RANBP2: variants seen among roughly 807,000 people sequenced by gnomAD.
RANBP2 encodes E3 SUMO-protein ligase RanBP2.
A neutral mutation model predicts 303.6 loss-of-function variants in RANBP2; 57 were observed. The ratio of observed to expected loss-of-function variants is 0.19; its 90% CI spans 0.15 to 0.23. The LOEUF is 0.23. RANBP2 is among the 10% of genes least tolerant of loss of function. The pLI, the probability that RANBP2 is intolerant of heterozygous loss-of-function variation, is 1.00. For missense variants in RANBP2, 3,138 were observed against 3,780.8 expected, an observed-to-expected ratio of 0.83 and a Z score of 4.46; for synonymous variants, 1,167 against 1,301.5, an observed-to-expected ratio of 0.90 and a Z score of 2.23.
chr2:108,791,014 G>A, the RANBP2 span, among the ~76,000 whole-genome samples: 18 of 151,982 alleles, frequency 1.2e-4, no homozygotes, highest in Admixed American at 4.6e-4. Context: ...CTCCCACTTC[G>A]GCCTCCCAAA....
At chr2:108,812,221 C>T in the RANBP2 span, among the ~76,000 whole-genome samples, 3 of 152,010 alleles carry the variant, frequency 2.0e-5, no homozygotes, top group African/African-American at 7.2e-5. Flanking sequence ...TATATATATA[C>T]ATATCAGTAT....
chr2:108,730,186 C>T (rs826529), intron 2 of RANBP2, among the ~76,000 whole-genome samples: 4 of 123,880 alleles, frequency 3.2e-5, no homozygotes, highest in Admixed American at 7.5e-5. Context: ...TTTCTCTGAT[C>T]GTAATACTGT....
At chr2:108,960,312 G>A in the RANBP2 span, among the ~76,000 whole-genome samples, 934 of 152,284 alleles carry the variant, frequency 6.1e-3, 12 homozygotes, top group African/African-American at 0.022. Context: ...GAGATTGTCT[G>A]AACAAAAAAA....
the RANBP2 span, among the ~76,000 whole-genome samples, chr2:108,901,369 G>T: frequency 6.6e-6 from 1 of 152,184 alleles, no homozygotes; most frequent in East Asian, 1.9e-4. Context: ...TACATACAAA[G>T]GAGGAAAACT....
chr2:108,800,676 T>C, the RANBP2 span, among the ~76,000 whole-genome samples: 1 of 119,654 alleles, frequency 8.4e-6, no homozygotes, highest in Non-Finnish European at 1.7e-5. Context: ...GTGCACATTG[T>C]GCAGGTTAGT....
At chr2:108,720,211 G>C in intron 1 of RANBP2, 4 of 939,190 alleles carry the variant, frequency 4.3e-6, no homozygotes, top group Non-Finnish European at 5.0e-6. Flanking sequence ...ATGGCCCGAC[G>C]GCGCAAATGA....
chr2:109,388,276 A>G, the RANBP2 span, among the ~76,000 whole-genome samples: 3 of 152,024 alleles, frequency 2.0e-5, no homozygotes, highest in East Asian at 1.9e-4. Flanking sequence ...CTTTCATTCA[A>G]TTTTTCACTG....
At chr2:108,850,164 A>T in the RANBP2 span, among the ~76,000 whole-genome samples, 1,872 of 152,312 alleles carry the variant, frequency 0.012, 18 homozygotes, top group Non-Finnish European at 0.02. Context: ...AGAACTAAAC[A>T]TTTAAACATA....
At chr2:109,244,986 T>C in the RANBP2 span, among the ~76,000 whole-genome samples, 1 of 152,216 alleles carries the variant, frequency 6.6e-6, no homozygotes, top group Non-Finnish European at 1.5e-5. Context: ...TGGAGAACTG[T>C]GAGTACAGTT....
the RANBP2 span, among the ~76,000 whole-genome samples, chr2:109,358,005 C>T: frequency 6.6e-6 from 1 of 152,202 alleles, no homozygotes; most frequent in Non-Finnish European, 1.5e-5. Context: ...TAGGCCCATA[C>T]AAAGTAGGTT....
the RANBP2 span, among the ~76,000 whole-genome samples, chr2:108,802,819 A>T: frequency 6.6e-6 from 1 of 152,094 alleles, no homozygotes; most frequent in African/African-American, 2.4e-5. Flanking sequence ...TACCTAATTT[A>T]TTGAGAGTTT....
chr2:108,985,668 GTGTGTTTGCCACCCT>G, the RANBP2 span, among the ~76,000 whole-genome samples: 2 of 152,220 alleles, frequency 1.3e-5, no homozygotes, highest in African/African-American at 4.8e-5. Flanking sequence ...GGTCCAAACA[GTGTGTTTGCCACCCT>G]TGGGCATCCA....
the RANBP2 span, among the ~76,000 whole-genome samples, chr2:109,359,246 C>A: frequency 9.2e-5 from 14 of 152,146 alleles, no homozygotes; most frequent in Non-Finnish European, 2.9e-5. Flanking sequence ...TATTTGTTGG[C>A]TCTTCTAGGT....
At chr2:109,364,570 A>G in the RANBP2 span, among the ~76,000 whole-genome samples, 1 of 152,226 alleles carries the variant, frequency 6.6e-6, no homozygotes, top group East Asian at 1.9e-4. Flanking sequence ...TGGACTGGGT[A>G]AAAAGAACTG....
the RANBP2 span, among the ~76,000 whole-genome samples, chr2:108,913,083 G>A: frequency 1.1e-4 from 17 of 151,754 alleles, no homozygotes; most frequent in Admixed American, 3.9e-4. Flanking sequence ...CAAGTAACTG[G>A]GACTACAGGC....
chr2:109,306,756 T>C, the RANBP2 span, among the ~76,000 whole-genome samples: 1 of 152,318 alleles, frequency 6.6e-6, no homozygotes, highest in African/African-American at 2.4e-5. Context: ...CACTAGGGGA[T>C]GGTGCAGGAA....
the RANBP2 span, chr2:108,846,714 T>C: frequency 6.3e-7 from 1 of 1,574,922 alleles, no homozygotes; most frequent in African/African-American, 1.4e-5. Flanking sequence ...ATAAATATAC[T>C]AAGATTGTAC....
intron 21 of RANBP2, 119 bp downstream of exon 21, chr2:108,771,990 G>C (rs1677536616): frequency 2.4e-6 from 3 of 1,257,938 alleles, no homozygotes; most frequent in Non-Finnish European, 3.4e-6. Flanking sequence ...CTTGCAGGTA[G>C]ATATTTACCC....
the RANBP2 span, among the ~76,000 whole-genome samples, chr2:109,696,914 A>C: frequency 1.3e-5 from 2 of 152,102 alleles, no homozygotes; most frequent in African/African-American, 4.8e-5. Context: ...AGTAGCTGAG[A>C]CCACAGGTGC....
Sources: allele counts gnomAD v4.1 joint callset (sites outside exome capture counted in the v4.1 genomes callset), GRCh38; gene constraint gnomAD v4.1.1; transcripts MANE v1.5; gene names NCBI Gene and HGNC (gene_info 2026-07-23, HGNC 2026-07-21).